The following IFT81 variants were observed in gnomAD, a reference collection of about 807,000 sequenced individuals.
IFT81 encodes the protein intraflagellar transport protein 81 homolog.
In IFT81, 72 loss-of-function variants were observed where a neutral mutation model predicts 102.6. That is an observed-to-expected ratio of 0.70 (90% CI 0.58 to 0.85). The LOEUF (loss-of-function observed/expected upper bound fraction) is 0.85, where lower values mean the gene tolerates loss of function less well. Among genes scored for constraint, IFT81 ranks in the 40% least tolerant of loss-of-function variants. IFT81 has a pLI of 0.00. For synonymous variants in IFT81, 237 were observed against 242.7 expected, an observed-to-expected ratio of 0.98 and a Z score of 0.22; for missense variants, 723 against 787.3, an observed-to-expected ratio of 0.92 and a Z score of 0.98.
At chr12:110,163,467 C>T (rs1896256888) in intron 11 of IFT81, among the ~76,000 whole-genome samples, 1 of 152,066 alleles carries the variant, frequency 6.6e-6, no homozygotes, top group Non-Finnish European at 1.5e-5. Context: ...TCTTGAACTC[C>T]CGACCTTGGG....
At chr12:110,136,677 C>T in intron 7 of IFT81, 99 bp from the exon 8 acceptor site, 1 of 559,014 alleles carries the variant, frequency 1.8e-6, no homozygotes, top group Non-Finnish European at 3.0e-6. Context: ...CCTTTTATAT[C>T]ATAAGAATTA....
intron 7 of IFT81, among the ~76,000 whole-genome samples, chr12:110,136,104 GTGATCACAGTACCCTC>G: frequency 6.6e-6 from 1 of 152,174 alleles, no homozygotes; most frequent in East Asian, 1.9e-4. Flanking sequence ...TTTTATTCCA[GTGATCACAGTACCCTC>G]TGCAGTTTAC....
Position 110,192,615 on chromosome 12 carries a change from A to G in IFT81, c.1468-2A>G, listed in dbSNP as rs777086061. On this transcript the variant is annotated splice_acceptor_variant, in intron 13 of 18. Coordinates refer to ENST00000242591, the MANE Select transcript of IFT81 (RefSeq NM_014055.4). LOFTEE classifies it high-confidence loss of function. ...GTGTTATATTTTTTGTTCAAATAAC[A>G]GGTGAAAAAACTGTATTCATTGGTA... 2.7e-6 allele frequency: 4 copies of G among 1,496,538 alleles called. No homozygotes were observed. The highest frequency in any genetic ancestry group is 3.6e-6 in the Non-Finnish European group (4 of 1,104,822). The allele number at this position is 1,496,538 out of a possible 1,614,324, so 92.7% of individuals were successfully genotyped here. A position where few individuals can be genotyped will look rare whatever the true frequency, so the allele number is the denominator to read the frequency against.
At chr12:110,181,165 G>A (rs555272700) in intron 12 of IFT81, among the ~76,000 whole-genome samples, 1 of 152,220 alleles carries the variant, frequency 6.6e-6, no homozygotes, top group South Asian at 2.1e-4. Context: ...CAATAATCTG[G>A]TAGAAGTAAG....
chr12:110,138,739 A>T (rs1051980727), intron 8 of IFT81, among the ~76,000 whole-genome samples: 1 of 152,222 alleles, frequency 6.6e-6, no homozygotes, highest in Non-Finnish European at 1.5e-5. Flanking sequence ...GGCTGAGGCT[A>T]ATCATTGTTA....
chr12:110,135,290 C>A, intron 6 of IFT81, 37 bp from the exon 7 acceptor site: 1 of 1,363,650 alleles, frequency 7.3e-7, no homozygotes, highest in Non-Finnish European at 1.0e-6. Context: ...TTCTTCAAAC[C>A]TGACAGTAAC....
intron 11 of IFT81, among the ~76,000 whole-genome samples, chr12:110,179,773 T>TATATACACACACAC (rs774113734): frequency 1.6e-4 from 8 of 50,476 alleles, no homozygotes; most frequent in Non-Finnish European, 2.9e-4. Flanking sequence ...TATATATATA[T>TATATACACACACAC]ACACACACAC....
At chr12:110,144,272 A>G (rs1328575299) in intron 9 of IFT81, among the ~76,000 whole-genome samples, 2 of 151,574 alleles carry the variant, frequency 1.3e-5, no homozygotes, top group Admixed American at 6.6e-5. Flanking sequence ...GCTGGAGTGC[A>G]GTAGCGTGAT....
intron 10 of IFT81, among the ~76,000 whole-genome samples, chr12:110,160,922 A>G (rs552062068): frequency 6.6e-6 from 1 of 152,278 alleles, no homozygotes; most frequent in Admixed American, 6.5e-5. Flanking sequence ...ATTAGCTAAT[A>G]CTTTCAATAC....
intron 10 of IFT81, among the ~76,000 whole-genome samples, chr12:110,147,661 AT>A (rs1895299454): frequency 6.6e-6 from 1 of 152,236 alleles, no homozygotes; most frequent in South Asian, 2.1e-4. Flanking sequence ...GGACATTAGA[AT>A]TTTTTAAAAC....
chr12:110,132,228 G>T (rs965210574), intron 4 of IFT81, among the ~76,000 whole-genome samples: 1 of 152,126 alleles, frequency 6.6e-6, no homozygotes, highest in East Asian at 1.9e-4. Flanking sequence ...ACTTTGGGAG[G>T]CCAAAGCGGA....
intron 8 of IFT81, among the ~76,000 whole-genome samples, chr12:110,139,760 T>G (rs920379906): frequency 1.4e-5 from 2 of 147,098 alleles, no homozygotes; most frequent in Non-Finnish European, 3.0e-5. Flanking sequence ...GGCGACAGAG[T>G]GAGACTCCAT....
intron 13 of IFT81, among the ~76,000 whole-genome samples, chr12:110,191,723 G>A (rs926254000): frequency 1.3e-5 from 2 of 151,960 alleles, no homozygotes; most frequent in Non-Finnish European, 2.9e-5. Flanking sequence ...ACTTTCACCA[G>A]GCATTAAAAT....
intron 9 of IFT81, 48 bp downstream of exon 9, chr12:110,143,593 A>C: frequency 7.0e-7 from 1 of 1,431,218 alleles, no homozygotes; most frequent in Non-Finnish European, 9.4e-7. Context: ...TCTGATCCCC[A>C]GTCCTATAAA....
intron 11 of IFT81, chr12:110,168,502 T>A: frequency 1.1e-6 from 1 of 935,430 alleles, no homozygotes; most frequent in Non-Finnish European, 1.3e-6. Context: ...AAAAAATGCA[T>A]AAACGATTAT....
Position 110,143,363 on chromosome 12 carries a change from A to T in IFT81, c.782-19A>T, listed in dbSNP as rs763261209. On this transcript the variant is annotated intron_variant, in intron 8 of 18. Transcript: ENST00000242591. ...ACCTACTCTTTTGGGCTGAATATTTATTTATTTTATTTTTAAAGGTTTAAT... is the reference window on the plus strand; with the variant it reads ...ACCTACTCTTTTGGGCTGAATATTTTTTTATTTTATTTTTAAAGGTTTAAT... 2 of 1,231,206 alleles carry T rather than the reference A, an allele frequency of 1.6e-6. No homozygotes were observed. The highest frequency in any genetic ancestry group is 1.1e-6 in the Non-Finnish European group (1 of 928,866). 76.3% of individuals were successfully genotyped at this position (1,231,206 alleles called of 1,614,324 possible). A position where few individuals can be genotyped will look rare whatever the true frequency, so the allele number is the denominator to read the frequency against.
At chr12:110,184,927 C>T (rs1897457760) in intron 12 of IFT81, among the ~76,000 whole-genome samples, 1 of 152,176 alleles carries the variant, frequency 6.6e-6, no homozygotes. Context: ...CTCTGTTCCT[C>T]TCAGCCAACT....
Position 110,198,316 on chromosome 12 carries a change from T to A in IFT81, c.1558-5548T>A, listed in dbSNP as rs954989665. On this transcript the variant is annotated intron_variant, in intron 14 of 18. Transcript: ENST00000242591. ...TAATGGCTTGGTCAGAAAAAAAAAA[T>A]TTTCATGCTTTCTTTTATTTTGTTG... 5.3e-4 allele frequency among the ~76,000 whole-genome samples: 81 copies of A among 151,834 alleles called. No individual in the cohort carries two copies. The East Asian group carries it at 0.012, about 22-fold the overall frequency.
intron 11 of IFT81, 138 bp downstream of exon 11, chr12:110,163,203 G>T (rs1896238060): frequency 1.6e-6 from 1 of 637,380 alleles, no homozygotes; most frequent in South Asian, 3.1e-5. Flanking sequence ...AAACTGAAGA[G>T]TCTTTTTGCA....
Sources: allele counts gnomAD v4.1 joint callset (sites outside exome capture counted in the v4.1 genomes callset), GRCh38; gene constraint gnomAD v4.1.1; transcripts MANE v1.5; gene names NCBI Gene and HGNC (gene_info 2026-07-23, HGNC 2026-07-21).